Variants in CA12 observed in about 807,000 individuals in gnomAD.
CA12 encodes the protein carbonic anhydrase 12.
CA12 carries 36 observed loss-of-function variants against 46.8 expected under a neutral mutation model. That is an observed-to-expected ratio of 0.77 (90% CI 0.59 to 1.02). CA12 has a LOEUF of 1.02. Ranked by LOEUF, CA12 falls within the 50% of genes least tolerant of loss-of-function variation. The pLI is 0.00. For synonymous variants in CA12, 202 were observed against 187.0 expected, an observed-to-expected ratio of 1.08 and a Z score of -0.65; for missense variants, 436 against 451.4, an observed-to-expected ratio of 0.97 and a Z score of 0.31.
intron 8 of CA12, among the ~76,000 whole-genome samples, chr15:63,333,993 TG>T (rs926416721): frequency 3.3e-5 from 5 of 152,186 alleles, no homozygotes; most frequent in Non-Finnish European, 5.9e-5. Context: ...ACCCAGCATC[TG>T]GGCCCAGTGT....
Position 63,373,452 on chromosome 15 carries a change from G to C in CA12, c.106+2206C>G, listed in dbSNP as rs2039531547. Reference sequence around the variant, plus strand: ...CTGCCCAGGAGGGCTGTAACAGAGAGATAGGGATAGAGGACCCCGTAGAGA... The same window carrying C: ...CTGCCCAGGAGGGCTGTAACAGAGACATAGGGATAGAGGACCCCGTAGAGA... On this transcript the variant is annotated intron_variant, in intron 2 of 10. Transcript: ENST00000178638. This position sits in a 1 kb window ranked among gnomAD's most constrained non-coding sequence, Gnocchi z 4.9. Among the ~76,000 whole-genome samples, 1 of 152,148 alleles carries C rather than the reference G, an allele frequency of 6.6e-6. No individual in the cohort carries two copies. The highest frequency in any genetic ancestry group is 1.5e-5 in the Non-Finnish European group (1 of 68,036).
rs2039545898 is a variant in CA12, at chr15:63,374,444, G to A, written c.106+1214C>T. On this transcript the variant is annotated intron_variant, in intron 2 of 10. Coordinates refer to ENST00000178638, the MANE Select transcript of CA12 (RefSeq NM_001218.5). This position sits in a 1 kb window ranked among gnomAD's most constrained non-coding sequence, Gnocchi z 4.4. ...GATCTCTGAAGCATTTGTTTATGAT[G>A]TTATTATTACCTATTATGTTCTGCT... Among the ~76,000 whole-genome samples the A allele has an allele frequency of 6.6e-6, 1 of 152,170 alleles. No homozygotes were observed. The highest frequency in any genetic ancestry group is 1.5e-5 in the Non-Finnish European group (1 of 68,046).
In CA12 at chr15:63,325,327, T is replaced by C. The variant is rs1287745583; in HGVS notation, c.*958A>G. 1 of 152,196 alleles carries C rather than the reference T, an allele frequency of 6.6e-6. No homozygotes were observed. Among genetic ancestry groups the C allele is most frequent in the Non-Finnish European group, 1.5e-5 (1 of 68,042 alleles). The allele number at this position is 152,196 out of a possible 1,614,324, so 9.4% of individuals were successfully genotyped here. On this transcript the variant is annotated 3_prime_UTR_variant, in exon 11 of 11. Transcript: ENST00000178638. The surrounding 1 kb of genome is among the most constrained non-coding windows in gnomAD (Gnocchi z 4.9). ...TATTTCCTCCAGATTCAAAGGCAGA[T>C]TGGGTCATCTCGGAACTCATGTCTC... is the stretch of plus-strand genomic sequence containing the variant.
chr15:63,335,310 A>G (rs2038987531), intron 8 of CA12, among the ~76,000 whole-genome samples: 1 of 152,166 alleles, frequency 6.6e-6, no homozygotes, highest in Admixed American at 6.5e-5. Context: ...TTAAGGACAG[A>G]AATCAGGTCC....
Position 63,340,171 on chromosome 15 carries a change from G to GT in CA12, c.747+116dup. 2 of 1,221,958 alleles carry GT rather than the reference G, an allele frequency of 1.6e-6. No homozygotes were observed. Among genetic ancestry groups the GT allele is most frequent in the Non-Finnish European group, 2.4e-6 (2 of 843,992 alleles). 75.7% of individuals were successfully genotyped at this position (1,221,958 alleles called of 1,614,324 possible). A position where few individuals can be genotyped will look rare whatever the true frequency, so the allele number is the denominator to read the frequency against. On this transcript the variant is annotated intron_variant, in intron 7 of 10. Transcript: ENST00000178638. This position sits in a 1 kb window ranked among gnomAD's most constrained non-coding sequence, Gnocchi z 4.4. ...TCAGACACCTGTGATATTTGGAGAG[G>GT]TTTTGAAGAGCTGCCAATGAAACTA...
At chr15:63,375,533 T>G in intron 2 of CA12, 125 bp downstream of exon 2, 1 of 684,722 alleles carries the variant, frequency 1.5e-6, no homozygotes, top group Non-Finnish European at 2.6e-6. Context: ...CTTTCTACAA[T>G]ACAAGAACTG....
At chr15:63,370,681 G>A (rs1349060473) in intron 2 of CA12, among the ~76,000 whole-genome samples, 3 of 151,702 alleles carry the variant, frequency 2.0e-5, no homozygotes, top group Middle Eastern at 6.8e-3. Context: ...TCTGAGGCAG[G>A]AGAATCGCTT....
chr15:63,330,677 C>G lies in CA12; in HGVS notation c.875-2547G>C, dbSNP rs536242566. Among the ~76,000 whole-genome samples, 4 of 147,020 alleles carry G rather than the reference C, an allele frequency of 2.7e-5. No homozygotes were observed. In the South Asian group the frequency reaches 8.6e-4, roughly 32 times the overall value. ...AGCAAAGTCTATGGAGAGCAAGGCCCCAGCAAGGGTGGGGCTTTTCTCAGG... is the reference window on the plus strand; with the variant it reads ...AGCAAAGTCTATGGAGAGCAAGGCCGCAGCAAGGGTGGGGCTTTTCTCAGG... On this transcript the variant is annotated intron_variant, in intron 8 of 10. Transcript: ENST00000178638. The surrounding 1 kb of genome is among the most constrained non-coding windows in gnomAD (Gnocchi z 4.0).
At chr15:63,335,353 T>C (rs2038987874) in intron 8 of CA12, among the ~76,000 whole-genome samples, 1 of 152,064 alleles carries the variant, frequency 6.6e-6, no homozygotes, top group Admixed American at 6.5e-5. Flanking sequence ...TTGAGGAAAA[T>C]AGCAGGGTTA....
chr15:63,346,148 C>G (rs2039144536), intron 3 of CA12, among the ~76,000 whole-genome samples: 1 of 152,176 alleles, frequency 6.6e-6, no homozygotes, highest in Non-Finnish European at 1.5e-5. Context: ...AGCAGTCAAG[C>G]CAGAGTTCAA....
intron 8 of CA12, among the ~76,000 whole-genome samples, chr15:63,337,439 C>T (rs1257379505): frequency 1.3e-5 from 2 of 152,062 alleles, no homozygotes; most frequent in East Asian, 1.9e-4. Context: ...AGTGGGTTAA[C>T]GGGTTTCTTT....
At chr15:63,365,744 C>A (rs974035029) in intron 2 of CA12, among the ~76,000 whole-genome samples, 1 of 152,236 alleles carries the variant, frequency 6.6e-6, no homozygotes, top group African/African-American at 2.4e-5. Flanking sequence ...TCCCTCTGGT[C>A]TCCCTTCCTC....
In CA12 at chr15:63,344,454, A is replaced by T. The variant is rs755935945; in HGVS notation, c.429+1023T>A. Among the ~76,000 whole-genome samples, 4 of 152,328 alleles carry T rather than the reference A, an allele frequency of 2.6e-5. No homozygotes were observed. The South Asian group carries it at 8.3e-4, about 32-fold the overall frequency. ...TTGGTTTACACCTTCTTTATTCCCC[A>T]TGGGGGAAGCAGAAGTCTCAACACT... On this transcript the variant is annotated intron_variant, in intron 4 of 10. Coordinates refer to ENST00000178638, the MANE Select transcript of CA12 (RefSeq NM_001218.5).
Position 63,338,899 on chromosome 15 carries a change from G to A in CA12, c.794C>T (p.Pro265Leu), listed in dbSNP as rs1385997803. The change falls in exon 8 of 11, where the codon CCT (proline) becomes CTT (leucine). Residue 265 changes from proline to leucine, a missense_variant. Physicochemically the swap from Pro to Leu is moderately conservative, Grantham distance 98. Coordinates refer to ENST00000178638, the MANE Select transcript of CA12 (RefSeq NM_001218.5). Reference protein sequence around the residue: ...TALYCTHMDDPSPREMINNFR... With the variant: ...TALYCTHMDDLSPREMINNFR... The stretch of plus-strand genomic sequence containing the variant: ...GTTGTTGATCATTTCTCTGGGGGAA[G>A]GGTCGTCCATGTGTGTGCAGTACAG... 4 of 1,614,198 alleles carry A rather than the reference G, an allele frequency of 2.5e-6. No individual in the cohort carries two copies. Among genetic ancestry groups the A allele is most frequent in the Non-Finnish European group, 3.4e-6 (4 of 1,180,026 alleles).
At chr15:63,375,600 TA>T in intron 2 of CA12, 57 bp downstream of exon 2, 1 of 1,156,070 alleles carries the variant, frequency 8.6e-7, no homozygotes, top group Non-Finnish European at 1.3e-6. Flanking sequence ...TTTTTCTCAT[TA>T]AATACAACCA....
intron 2 of CA12, among the ~76,000 whole-genome samples, chr15:63,370,007 G>T (rs958240799): frequency 1.3e-5 from 2 of 152,180 alleles, no homozygotes; most frequent in African/African-American, 4.8e-5. Flanking sequence ...GTAACTATGA[G>T]TAGGCGGGCC....
chr15:63,369,682 G>C (rs1379180293), intron 2 of CA12, among the ~76,000 whole-genome samples: 1 of 151,386 alleles, frequency 6.6e-6, no homozygotes, highest in East Asian at 1.9e-4. Flanking sequence ...TTCTCATCTT[G>C]TAGCTAAGGA....
chr15:63,368,374 C>T (rs1229067542), intron 2 of CA12, among the ~76,000 whole-genome samples: 3 of 152,124 alleles, frequency 2.0e-5, no homozygotes, highest in Non-Finnish European at 2.9e-5. Flanking sequence ...GTTGCCCCTG[C>T]GAAGGAAGAG....
rs2038934028 is a variant in CA12 at position 63,331,231 on chromosome 15, A to C, written c.875-3101T>G. Among the ~76,000 whole-genome samples, 1 of 152,216 alleles carries C rather than the reference A, an allele frequency of 6.6e-6. No homozygotes were observed. Among genetic ancestry groups the C allele is most frequent in the Non-Finnish European group, 1.5e-5 (1 of 68,030 alleles). On this transcript the variant is annotated intron_variant, in intron 8 of 10. Transcript: ENST00000178638. The surrounding 1 kb of genome is among the most constrained non-coding windows in gnomAD (Gnocchi z 5.3). ...AAAGTCAGCGAGACTTTCGGGACAC[A>C]GGGAGAACTGTCAGGGCAACCAGAG...
Sources: gnomAD v4.1 joint callset for allele counts (sites outside exome capture counted in the v4.1 genomes callset) on GRCh38, gnomAD v4.1.1 for gene constraint, Gnocchi (gnomAD v3.1) non-coding constraint, MANE v1.5 for transcripts, NCBI Gene and HGNC (gene_info 2026-07-23, HGNC 2026-07-21) for gene names.